Variants in STPG2 observed in about 807,000 individuals in gnomAD.
STPG2 encodes the protein sperm-tail PG-rich repeat-containing protein 2.
STPG2 carries 56 observed loss-of-function variants against 54.2 expected under a neutral mutation model. That is an observed-to-expected ratio of 1.03 (90% CI 0.83 to 1.29). STPG2 has a LOEUF of 1.29. STPG2 is among the 50% of genes most tolerant of loss of function. The pLI, the probability that STPG2 is intolerant of heterozygous loss-of-function variation, is 0.00. For missense variants in STPG2, 596 were observed against 544.9 expected (o/e 1.09, Z -0.93); for synonymous variants, 200 against 181.8 (o/e 1.10, Z -0.81).
chr4:97,466,874 G>A (rs576416257), intron 4 of STPG2, among the ~76,000 whole-genome samples: 2 of 152,002 alleles, frequency 1.3e-5, no homozygotes, highest in South Asian at 4.1e-4. Context: ...ATGCATTCAA[G>A]TGTGAAACAG....
intron 10 of STPG2, among the ~76,000 whole-genome samples, chr4:97,581,720 T>C (rs865854030): frequency 2.0e-4 from 30 of 152,248 alleles, no homozygotes; most frequent in Middle Eastern, 6.8e-3. Context: ...AACTGTATGC[T>C]CTGAAACCAG....
At chr4:97,627,893 G>A (rs1734175866) in intron 10 of STPG2, among the ~76,000 whole-genome samples, 1 of 152,088 alleles carries the variant, frequency 6.6e-6, no homozygotes, top group Admixed American at 6.5e-5. Context: ...TTGGGAGTAT[G>A]AGAAGACTGA....
downstream of STPG2, among the ~76,000 whole-genome samples, chr4:97,556,888 T>TA (rs1732089975): frequency 6.6e-6 from 1 of 151,980 alleles, no homozygotes. Flanking sequence ...TAATTTTCCT[T>TA]AAAAAATAAC....
intron 10 of STPG2, among the ~76,000 whole-genome samples, chr4:97,613,575 C>G (rs534711610): frequency 6.6e-6 from 1 of 151,092 alleles, no homozygotes; most frequent in African/African-American, 2.4e-5. Flanking sequence ...CATTCCATCT[C>G]CTGGAGGTGG....
chr4:97,776,178 T>C (rs1726369491), intron 9 of STPG2, among the ~76,000 whole-genome samples: 2 of 152,242 alleles, frequency 1.3e-5, no homozygotes, highest in Admixed American at 1.3e-4. Flanking sequence ...TACATGTATG[T>C]ATATACACAT....
intron 10 of STPG2, among the ~76,000 whole-genome samples, chr4:97,676,188 C>T (rs1018897005): frequency 3.3e-5 from 5 of 150,370 alleles, no homozygotes; most frequent in African/African-American, 9.8e-5. Flanking sequence ...CTGTATGATT[C>T]GAGACTATTC....
At chr4:97,820,170 T>C (rs1470053419) in intron 9 of STPG2, among the ~76,000 whole-genome samples, 1 of 152,190 alleles carries the variant, frequency 6.6e-6, no homozygotes, top group Non-Finnish European at 1.5e-5. Context: ...TTGATGTTAC[T>C]ATTGTAATTC....
At chr4:97,967,645 C>A (rs556631283) in intron 7 of STPG2, among the ~76,000 whole-genome samples, 1 of 152,152 alleles carries the variant, frequency 6.6e-6, no homozygotes, top group East Asian at 1.9e-4. Flanking sequence ...GAACAGAAAT[C>A]ACAAAAAAAC....
chr4:97,460,778 G>A (rs1560618326), intron 4 of STPG2, among the ~76,000 whole-genome samples: 1 of 152,144 alleles, frequency 6.6e-6, no homozygotes, highest in African/African-American at 2.4e-5. Flanking sequence ...ATGCACTCCT[G>A]AGCCTGCAAT....
At chr4:97,476,561 T>A (rs756405194) in intron 4 of STPG2, among the ~76,000 whole-genome samples, 1 of 152,330 alleles carries the variant, frequency 6.6e-6, no homozygotes, top group East Asian at 1.9e-4. Flanking sequence ...ATGATAGTGA[T>A]TCTGGAGGAT....
At chr4:98,005,267 A>T (rs1315770536) in intron 5 of STPG2, among the ~76,000 whole-genome samples, 1 of 152,112 alleles carries the variant, frequency 6.6e-6, no homozygotes, top group Admixed American at 6.6e-5. Context: ...TGCCTCTCCT[A>T]GTCCAGTGAC....
chr4:97,472,670 A>C (rs895225090), intron 4 of STPG2, among the ~76,000 whole-genome samples: 2 of 152,226 alleles, frequency 1.3e-5, no homozygotes, highest in Admixed American at 1.3e-4. Flanking sequence ...CAGCAAGAAA[A>C]TTAAATGAGC....
chr4:97,734,704 G>A (rs569702095), intron 9 of STPG2, among the ~76,000 whole-genome samples: 3 of 152,230 alleles, frequency 2.0e-5, no homozygotes, highest in East Asian at 3.9e-4. Flanking sequence ...CCTTGGCAAT[G>A]ATTTTTTTGG....
intron 10 of STPG2, among the ~76,000 whole-genome samples, chr4:97,643,593 A>T (rs1414269700): frequency 1.3e-5 from 2 of 151,760 alleles, no homozygotes; most frequent in African/African-American, 4.8e-5. Flanking sequence ...GCTTATTTGC[A>T]ACAACATTAA....
intron 8 of STPG2, among the ~76,000 whole-genome samples, chr4:97,898,115 G>A (rs1051241936): frequency 2.6e-5 from 4 of 151,726 alleles, no homozygotes; most frequent in African/African-American, 7.3e-5. Context: ...TTCAATCTTC[G>A]GCATATGGCT....
intron 8 of STPG2, among the ~76,000 whole-genome samples, chr4:97,943,681 T>A (rs1295958190): frequency 6.6e-6 from 1 of 152,186 alleles, no homozygotes; most frequent in Non-Finnish European, 1.5e-5. Flanking sequence ...CTACAAGGGA[T>A]GTTGCATGTA....
At chr4:97,564,714 A>C (rs1041562560) in intron 10 of STPG2, among the ~76,000 whole-genome samples, 1 of 152,154 alleles carries the variant, frequency 6.6e-6, no homozygotes, top group African/African-American at 2.4e-5. Flanking sequence ...GCTTGATATG[A>C]AATTCTGGGT....
intron 10 of STPG2, among the ~76,000 whole-genome samples, chr4:97,676,581 G>A (rs998415478): frequency 7.0e-6 from 1 of 143,108 alleles, no homozygotes; most frequent in Non-Finnish European, 1.5e-5. Flanking sequence ...AAGGAAAGGA[G>A]GGAGGGAGGG....
intron 7 of STPG2, among the ~76,000 whole-genome samples, chr4:97,955,213 A>AT (rs140086064): frequency 0.27 from 37,621 of 137,346 alleles, 5,481 homozygotes; most frequent in Middle Eastern, 0.37. Flanking sequence ...ATACAGAAGA[A>AT]TTTTTTTTTT....
Sources: allele counts gnomAD v4.1 joint callset (sites outside exome capture counted in the v4.1 genomes callset), GRCh38; gene constraint gnomAD v4.1.1; transcripts MANE v1.5; gene names NCBI Gene and HGNC (gene_info 2026-07-23, HGNC 2026-07-21).